The following DLG2 variants were observed in gnomAD, a reference collection of about 807,000 sequenced individuals.
The protein encoded by DLG2 is disks large homolog 2.
DLG2 carries 45 observed loss-of-function variants against 132.5 expected under a neutral mutation model. The ratio of observed to expected loss-of-function variants is 0.34; its 90% CI spans 0.27 to 0.44. DLG2 has a LOEUF of 0.44. Among genes scored for constraint, DLG2 ranks in the 20% least tolerant of loss-of-function variants. The pLI is 1.00. For missense variants in DLG2, 1,045 were observed against 1,196.9 expected (o/e 0.87, Z 1.87); for synonymous variants, 424 against 419.6 (o/e 1.01, Z -0.13).
intron 6 of DLG2, chr11:84,890,772 T>A (rs1943735): frequency 6.6e-6 from 1 of 152,232 alleles, no homozygotes; most frequent in African/African-American, 2.4e-5. Flanking sequence ...ATTTGGGCTG[T>A]GGCAGACTGA....
chr11:85,137,105 A>G (rs2152423524), intron 5 of DLG2, among the ~76,000 whole-genome samples: 1 of 152,222 alleles, frequency 6.6e-6, no homozygotes, highest in Non-Finnish European at 1.5e-5. Flanking sequence ...GTCTGATGTA[A>G]GAAGGTATGG....
chr11:84,255,868 C>G (rs1306005673), intron 7 of DLG2, among the ~76,000 whole-genome samples: 1 of 151,788 alleles, frequency 6.6e-6, no homozygotes, highest in African/African-American at 2.4e-5. Flanking sequence ...TTAAGTAAAC[C>G]AAACTATGAA....
At chr11:85,542,729 C>A (rs535845235) in intron 3 of DLG2, among the ~76,000 whole-genome samples, 1 of 152,172 alleles carries the variant, frequency 6.6e-6, no homozygotes, top group African/African-American at 2.4e-5. Flanking sequence ...TTTGACATGA[C>A]ATTTCATAGG....
At chr11:85,452,062 C>G (rs2092266098) in intron 3 of DLG2, among the ~76,000 whole-genome samples, 1 of 151,822 alleles carries the variant, frequency 6.6e-6, no homozygotes, top group African/African-American at 2.4e-5. Flanking sequence ...AATCTTTACT[C>G]TTTAAAGAAA....
chr11:83,887,776 G>A (rs1416991633), intron 15 of DLG2, among the ~76,000 whole-genome samples: 2 of 150,322 alleles, frequency 1.3e-5, no homozygotes, highest in African/African-American at 4.9e-5. Context: ...TCATCCCTGG[G>A]ATGCAAGGCT....
intron 7 of DLG2, among the ~76,000 whole-genome samples, chr11:84,491,681 T>C (rs2099165604): frequency 1.3e-5 from 2 of 152,182 alleles, no homozygotes; most frequent in African/African-American, 2.4e-5. Context: ...CAAGTGGCAG[T>C]TCTGCTCATA....
At chr11:85,315,934 C>T (rs1480830513) in intron 3 of DLG2, among the ~76,000 whole-genome samples, 1 of 151,994 alleles carries the variant, frequency 6.6e-6, no homozygotes, top group Non-Finnish European at 1.5e-5. Context: ...CCCCCAATCA[C>T]AGGGTGAAAG....
intron 12 of DLG2, 111 bp from the exon 13 acceptor site, chr11:83,965,579 C>A: frequency 2.4e-6 from 2 of 833,742 alleles, no homozygotes; most frequent in South Asian, 1.7e-5. Flanking sequence ...TGTCCAGTAT[C>A]CTTGACATAA....
chr11:84,258,931 T>C (rs2097515985), intron 7 of DLG2, among the ~76,000 whole-genome samples: 1 of 152,204 alleles, frequency 6.6e-6, no homozygotes, highest in East Asian at 1.9e-4. Flanking sequence ...AATGGGACAG[T>C]GCTATTTTCC....
Position 84,720,114 on chromosome 11 carries a change from A to C in DLG2, c.358-185383T>G, listed in dbSNP as rs1332977802. Among the ~76,000 whole-genome samples, 5 of 152,272 alleles carry C rather than the reference A, an allele frequency of 3.3e-5. No homozygotes were observed. In the East Asian group the frequency reaches 9.7e-4, roughly 29 times the overall value. ...ATCACCATTGAGTTATGAGCCCAAC[A>C]TCGGACGCCAGAAAATCAGTGCGAT... On this transcript the variant is annotated intron_variant, in intron 6 of 27. Transcript: ENST00000376104.
In DLG2 at chr11:84,964,206, G is replaced by C. The variant is rs532303977; in HGVS notation, c.357+147455C>G. Among the ~76,000 whole-genome samples the C allele has an allele frequency of 8.6e-5, 13 of 152,038 alleles. No homozygotes were observed. In the East Asian group the frequency reaches 2.3e-3, roughly 27 times the overall value. On this transcript the variant is annotated intron_variant, in intron 6 of 27. Coordinates refer to ENST00000376104, the MANE Select transcript of DLG2 (RefSeq NM_001142699.3). ...CATATATCAGAAAAAAAACAGAAAAGTATTTGATTGGAAATCATCTTTGTG... is the reference window on the plus strand; with the variant it reads ...CATATATCAGAAAAAAAACAGAAAACTATTTGATTGGAAATCATCTTTGTG...
chr11:84,707,551 T>C (rs575537059), intron 6 of DLG2, among the ~76,000 whole-genome samples: 1 of 151,918 alleles, frequency 6.6e-6, no homozygotes, highest in South Asian at 2.1e-4. Flanking sequence ...CCTAACTACA[T>C]ACTCTTATCC....
intron 6 of DLG2, among the ~76,000 whole-genome samples, chr11:84,774,844 T>C (rs1009666971): frequency 6.6e-6 from 1 of 152,058 alleles, no homozygotes. Context: ...AAATAAAACA[T>C]AGGAAGCACC....
chr11:84,430,455 G>GA (rs11397729), intron 7 of DLG2, among the ~76,000 whole-genome samples: 35,698 of 142,576 alleles, frequency 0.25, 7,096 homozygotes, highest in African/African-American at 0.56. Flanking sequence ...AAAAAGAAAA[G>GA]AAAAAAAAAA....
At chr11:85,021,665 A>G in intron 6 of DLG2, 6 of 1,132,926 alleles carry the variant, frequency 5.3e-6, no homozygotes, top group South Asian at 1.2e-5. Context: ...GTGTTTGATG[A>G]TAAGGTTTCT....
chr11:85,339,988 A>G (rs967045415), intron 3 of DLG2, among the ~76,000 whole-genome samples: 2 of 152,204 alleles, frequency 1.3e-5, no homozygotes, highest in African/African-American at 4.8e-5. Flanking sequence ...ATCAGGAAAC[A>G]ACAGATGCTG....
intron 7 of DLG2, among the ~76,000 whole-genome samples, chr11:84,430,558 G>A (rs541126219): frequency 6.6e-6 from 1 of 152,194 alleles, no homozygotes; most frequent in Admixed American, 6.5e-5. Flanking sequence ...TAATGCTCGA[G>A]TAAACTGCTT....
At chr11:83,515,879 G>A (rs1183943131) in intron 21 of DLG2, among the ~76,000 whole-genome samples, 11 of 152,166 alleles carry the variant, frequency 7.2e-5, no homozygotes, top group Non-Finnish European at 1.5e-4. Context: ...ATTGCACTGT[G>A]GTCTGAGGGA....
intron 6 of DLG2, among the ~76,000 whole-genome samples, chr11:84,595,453 G>C (rs2099554321): frequency 1.3e-5 from 2 of 150,688 alleles, no homozygotes. Context: ...CATTGTCAGA[G>C]CTACCTCATA....
Sources: allele counts gnomAD v4.1 joint callset (sites outside exome capture counted in the v4.1 genomes callset), GRCh38; gene constraint gnomAD v4.1.1; transcripts MANE v1.5; gene names NCBI Gene and HGNC (gene_info 2026-07-23, HGNC 2026-07-21).